TUBB: variants seen among roughly 807,000 people sequenced by gnomAD.
The protein encoded by TUBB is tubulin beta class I.
Under a neutral mutation model 35.1 loss-of-function variants are expected in TUBB, and 2 were observed. That is an observed-to-expected ratio of 0.06 (90% CI 0.02 to 0.18). TUBB has a LOEUF of 0.18. TUBB is among the 10% of genes least tolerant of loss of function. TUBB has a pLI of 1.00. For missense variants in TUBB, 50 were observed against 599.4 expected (o/e 0.08, Z 9.57); for synonymous variants, 205 against 223.8 (o/e 0.92, Z 0.75).
chr6:30,720,601 G>T (rs1232835556), intron 1 of TUBB, 38 bp downstream of exon 1: 2 of 1,585,690 alleles, frequency 1.3e-6, no homozygotes, highest in African/African-American at 2.7e-5. Context: ...TTTTTACAAG[G>T]AAAAATCCAG....
rs942457437 is a variant in TUBB, at chr6:30,721,440, G to A, written c.57+877G>A. ...GGGCCCTGCGGGGCGGGGCCGGGGC[G>A]CCGTGGGCGCGCGGGGACAATGCGG... is the stretch of plus-strand genomic sequence containing the variant. On this transcript the variant is annotated intron_variant, in intron 1 of 3. Transcript: ENST00000327892. The A allele has an allele frequency of 1.9e-5, 10 of 540,064 alleles. No homozygotes were observed. In the African/African-American group the frequency reaches 2.0e-4, roughly 11 times the overall value. 33.5% of individuals were successfully genotyped at this position (540,064 alleles called of 1,614,324 possible). A position where few individuals can be genotyped will look rare whatever the true frequency, so the allele number is the denominator to read the frequency against.
At chr6:30,721,706 A>C in intron 1 of TUBB, 1 of 985,192 alleles carries the variant, frequency 1.0e-6, no homozygotes, top group Non-Finnish European at 1.2e-6. Context: ...AGCGGCGCTT[A>C]TCGAAGTGTG....
intron 1 of TUBB, chr6:30,721,424 G>T: frequency 3.1e-6 from 1 of 323,066 alleles, no homozygotes; most frequent in Non-Finnish European, 4.5e-6. Flanking sequence ...GGGGCCCTGC[G>T]GGGCGGGGCC....
At position 30,722,532 on chromosome 6, in the gene TUBB, G is replaced by C. The variant is rs1776356697; in HGVS notation, c.58-5G>C. On this transcript the variant is annotated splice_polypyrimidine_tract_variant and splice_region_variant and intron_variant, in intron 1 of 3. Coordinates refer to ENST00000327892, the MANE Select transcript of TUBB (RefSeq NM_178014.4). Reference sequence around the variant, plus strand: ...TGTTGTGGTCTCGTTGCTCCCCCTCGGCAGTTCTGGGAGGTGATCAGTGAT... The same window carrying C: ...TGTTGTGGTCTCGTTGCTCCCCCTCCGCAGTTCTGGGAGGTGATCAGTGAT... 1 of 1,611,796 alleles carries C rather than the reference G, an allele frequency of 6.2e-7. No individual in the cohort carries two copies. The highest frequency in any genetic ancestry group is 2.2e-5 in the East Asian group (1 of 44,878).
At chr6:30,721,270 A>C (rs1232135114) in intron 1 of TUBB, among the ~76,000 whole-genome samples, 1 of 152,080 alleles carries the variant, frequency 6.6e-6, no homozygotes, top group Non-Finnish European at 1.5e-5. Flanking sequence ...TGGGAGAGAA[A>C]GAATCCTTTA....
intron 1 of TUBB, chr6:30,721,891 G>A: frequency 1.0e-6 from 1 of 985,806 alleles, no homozygotes; most frequent in Non-Finnish European, 1.2e-6. Context: ...GGGAGATGTG[G>A]GGCCGAGGTG....
chr6:30,720,981 G>GC (rs1011324788), intron 1 of TUBB, among the ~76,000 whole-genome samples: 1 of 152,254 alleles, frequency 6.6e-6, no homozygotes, highest in Middle Eastern at 3.2e-3. Context: ...AAGGGGTGAG[G>GC]CCATCGGGCG....
chr6:30,720,654 T>A, intron 1 of TUBB, 91 bp downstream of exon 1: 1 of 1,119,108 alleles, frequency 8.9e-7, no homozygotes, highest in Non-Finnish European at 1.3e-6. Context: ...GCACCCGCTA[T>A]CCTTAATCAA....
chr6:30,722,338 G>A (rs1207439216), intron 1 of TUBB, 199 bp from the exon 2 acceptor site: 3 of 566,244 alleles, frequency 5.3e-6, no homozygotes. Context: ...AGCTACTCCG[G>A]GGGCTGAGGC....
chr6:30,721,712 G>A, intron 1 of TUBB: 1 of 985,460 alleles, frequency 1.0e-6, no homozygotes, highest in Non-Finnish European at 1.2e-6. Flanking sequence ...GCTTATCGAA[G>A]TGTGGTCGAC....
At position 30,724,235 on chromosome 6, in the gene TUBB, G is replaced by T; in HGVS notation, c.1173G>T (p.Arg391=). The T allele has an allele frequency of 5.0e-6, 8 of 1,613,928 alleles. No homozygotes were observed. The highest frequency in any genetic ancestry group is 5.9e-6 in the Non-Finnish European group (7 of 1,179,880). Residue 391 remains arginine, a synonymous_variant, in exon 4 of 4, where the codon CGG becomes CGT. Coordinates refer to ENST00000327892, the MANE Select transcript of TUBB (RefSeq NM_178014.4). This position sits in a 1 kb window ranked among gnomAD's most constrained non-coding sequence, Gnocchi z 4.4. ...ISEQFTAMFR[R]KAFLHWYTGE... ...AGCAGTTCACTGCCATGTTCCGCCG[G>T]AAGGCCTTCCTCCACTGGTACACAG...
rs974160636 is a variant in TUBB at position 30,724,464 on chromosome 6, C to T, written c.*67C>T. On this transcript the variant is annotated 3_prime_UTR_variant, in exon 4 of 4. Transcript: ENST00000327892. This position sits in a 1 kb window ranked among gnomAD's most constrained non-coding sequence, Gnocchi z 4.4. Reference sequence around the variant, plus strand: ...CGTCTTACTCAACTGCCCCTTTCCTCTCCCTCAGAATTTGTGTTTGCTGCC... The same window carrying T: ...CGTCTTACTCAACTGCCCCTTTCCTTTCCCTCAGAATTTGTGTTTGCTGCC... The T allele has an allele frequency of 6.3e-6, 9 of 1,425,230 alleles. No individual in the cohort carries two copies. Among genetic ancestry groups the T allele is most frequent in the African/African-American group, 1.4e-5 (1 of 69,662 alleles). The allele number at this position is 1,425,230 out of a possible 1,614,324, so 88.3% of individuals were successfully genotyped here. A position where few individuals can be genotyped will look rare whatever the true frequency, so the allele number is the denominator to read the frequency against.
intron 1 of TUBB, chr6:30,721,750 C>T (rs1281997230): frequency 2.0e-6 from 2 of 985,050 alleles, no homozygotes; most frequent in Admixed American, 6.2e-5. Flanking sequence ...GCACTTGGGA[C>T]CCGCTGCACA....
At position 30,724,515 on chromosome 6, in the gene TUBB, C is replaced by T. The variant is rs3202287; in HGVS notation, c.*118C>T. On this transcript the variant is annotated 3_prime_UTR_variant, in exon 4 of 4. Transcript: ENST00000327892. The surrounding 1 kb of genome is among the most constrained non-coding windows in gnomAD (Gnocchi z 4.4). ...TCTATCTTGTTTTTTGTTTTTTCTT[C>T]TGGGGGGGGTCTAGAACAGTGCCTG... 9.7e-6 allele frequency: 9 copies of T among 924,270 alleles called. No individual in the cohort carries two copies. Among genetic ancestry groups the T allele is most frequent in the East Asian group, 5.3e-5 (2 of 37,540 alleles). 57.3% of individuals were successfully genotyped at this position (924,270 alleles called of 1,614,324 possible).
At chr6:30,721,043 G>A (rs1269069996) in intron 1 of TUBB, among the ~76,000 whole-genome samples, 2 of 152,252 alleles carry the variant, frequency 1.3e-5, no homozygotes, top group Non-Finnish European at 2.9e-5. Flanking sequence ...AGGGTGGGCT[G>A]CGCTGGGCGC....
In TUBB at chr6:30,724,034, G is replaced by A; in HGVS notation, c.972G>A (p.Lys324=). 3 of 1,614,168 alleles carry A rather than the reference G, an allele frequency of 1.9e-6. No individual in the cohort carries two copies. Among genetic ancestry groups the A allele is most frequent in the Non-Finnish European group, 2.5e-6 (3 of 1,180,026 alleles). The change falls in exon 4 of 4, where the codon AAG becomes AAA. Residue 324 remains lysine, a synonymous_variant. Coordinates refer to ENST00000327892, the MANE Select transcript of TUBB (RefSeq NM_178014.4). This position sits in a 1 kb window ranked among gnomAD's most constrained non-coding sequence, Gnocchi z 4.4. The part of the protein sequence containing the change: ...AAVFRGRMSM[K]EVDEQMLNVQ... ...TCTTCCGTGGTCGGATGTCCATGAA[G>A]GAGGTCGATGAGCAGATGCTTAACG...
intron 1 of TUBB, chr6:30,722,278 A>G (rs557592707): frequency 7.7e-5 from 34 of 441,924 alleles, no homozygotes; most frequent in African/African-American, 5.6e-4. Context: ...ACCCGTCTCT[A>G]CTAAAAATAC....
chr6:30,722,757 G>C (rs1317073025), intron 2 of TUBB, 112 bp downstream of exon 2: 1 of 1,166,266 alleles, frequency 8.6e-7, no homozygotes. Flanking sequence ...CTGTCATTTT[G>C]TCCCTTTCGT....
At chr6:30,722,736 T>C (rs1581665898) in intron 2 of TUBB, 91 bp downstream of exon 2, 1 of 1,241,352 alleles carries the variant, frequency 8.1e-7, no homozygotes, top group Non-Finnish European at 1.1e-6. Context: ...CCTTATCCCC[T>C]TTGGGTGAAT....
Sources: gnomAD v4.1 joint callset for allele counts (sites outside exome capture counted in the v4.1 genomes callset) on GRCh38, gnomAD v4.1.1 for gene constraint, Gnocchi (gnomAD v3.1) non-coding constraint, MANE v1.5 for transcripts, NCBI Gene and HGNC (gene_info 2026-07-23, HGNC 2026-07-21) for gene names.